KCNQ3: variants seen among roughly 807,000 people sequenced by gnomAD.
KCNQ3 encodes potassium voltage-gated channel subfamily KQT member 3.
A neutral mutation model predicts 92.5 loss-of-function variants in KCNQ3; 30 were observed. The observed-to-expected ratio is 0.32, with a 90% CI of 0.24 to 0.44. The LOEUF (loss-of-function observed/expected upper bound fraction) is 0.44, where lower values mean the gene tolerates loss of function less well. KCNQ3 is among the 20% of genes least tolerant of loss of function. The pLI is 1.00. For missense variants in KCNQ3, 913 were observed against 1,140.3 expected (o/e 0.80, Z 2.87); for synonymous variants, 450 against 468.8 (o/e 0.96, Z 0.52).
intron 1 of KCNQ3, among the ~76,000 whole-genome samples, chr8:132,279,659 T>C (rs1378993287): frequency 6.6e-6 from 1 of 152,182 alleles, no homozygotes; most frequent in Non-Finnish European, 1.5e-5. Context: ...CATCAACAGA[T>C]ACACACGCAC....
At chr8:132,425,181 CAT>C (rs1400081476) in intron 1 of KCNQ3, among the ~76,000 whole-genome samples, 2 of 152,182 alleles carry the variant, frequency 1.3e-5, no homozygotes, top group African/African-American at 2.4e-5. Flanking sequence ...GACGCCAATA[CAT>C]ATAGTCTCAG....
rs541901920 is a variant in KCNQ3, at chr8:132,192,672, C to A, written c.387-6491G>T. Among the ~76,000 whole-genome samples, 23 of 152,214 alleles carry A rather than the reference C, an allele frequency of 1.5e-4. No homozygotes were observed. In the South Asian group the frequency reaches 3.1e-3, roughly 21 times the overall value. Reference sequence around the variant, plus strand: ...GTTTGTTGTTTTTTTATTTTCAAGACGGAATCTCGCTCTGTCACCCAGGCT... The same window carrying A: ...GTTTGTTGTTTTTTTATTTTCAAGAAGGAATCTCGCTCTGTCACCCAGGCT... On this transcript the variant is annotated intron_variant, in intron 1 of 14. Coordinates refer to ENST00000388996, the MANE Select transcript of KCNQ3 (RefSeq NM_004519.4).
intron 1 of KCNQ3, among the ~76,000 whole-genome samples, chr8:132,344,776 C>G (rs57465264): frequency 6.6e-6 from 1 of 152,188 alleles, no homozygotes; most frequent in African/African-American, 2.4e-5. Context: ...GAGGCCAGTG[C>G]AGAAGGAGTA....
intron 1 of KCNQ3, among the ~76,000 whole-genome samples, chr8:132,229,137 C>G (rs1340997477): frequency 6.6e-6 from 1 of 152,016 alleles, no homozygotes; most frequent in Admixed American, 6.6e-5. Context: ...GCTTGTAGTC[C>G]CAGCTACTTG....
chr8:132,253,598 A>C (rs1815485731), intron 1 of KCNQ3, among the ~76,000 whole-genome samples: 1 of 152,172 alleles, frequency 6.6e-6, no homozygotes, highest in Non-Finnish European at 1.5e-5. Context: ...CCTCAAGCAC[A>C]TGTGTTTGCA....
chr8:132,403,706 A>T (rs1820406833), intron 1 of KCNQ3, among the ~76,000 whole-genome samples: 1 of 152,198 alleles, frequency 6.6e-6, no homozygotes, highest in Non-Finnish European at 1.5e-5. Context: ...TCATCTCCCC[A>T]GGAGCTTCCT....
At chr8:132,226,524 T>C (rs999737872) in intron 1 of KCNQ3, among the ~76,000 whole-genome samples, 2 of 151,940 alleles carry the variant, frequency 1.3e-5, no homozygotes, top group African/African-American at 4.8e-5. Flanking sequence ...GTCCAAATTA[T>C]AATAATTTCC....
At chr8:132,150,777 C>T (rs1223360551) in intron 9 of KCNQ3, among the ~76,000 whole-genome samples, 1 of 151,906 alleles carries the variant, frequency 6.6e-6, no homozygotes, top group African/African-American at 2.4e-5. Context: ...GATTGGCAAA[C>T]AAAAGATCTT....
chr8:132,456,045 G>A lies in KCNQ3; in HGVS notation c.386+24102C>T, dbSNP rs571576878. Among the ~76,000 whole-genome samples the A allele has an allele frequency of 2.4e-4, 36 of 152,158 alleles. No homozygotes were observed. The East Asian group carries it at 6.0e-3, about 25-fold the overall frequency. ...CAGGCATGAGCCACCGTGCCCGGCC[G>A]ATGGATACTATTAATATTCTCATTT... is the stretch of plus-strand genomic sequence containing the variant. On this transcript the variant is annotated intron_variant, in intron 1 of 14. Coordinates refer to ENST00000388996, the MANE Select transcript of KCNQ3 (RefSeq NM_004519.4).
At chr8:132,352,468 G>C (rs186417842) in intron 1 of KCNQ3, among the ~76,000 whole-genome samples, 1 of 152,094 alleles carries the variant, frequency 6.6e-6, no homozygotes, top group South Asian at 2.1e-4. Context: ...AAACTCTGGC[G>C]AGTTCAGGAA....
Position 132,307,310 on chromosome 8 carries a change from A to C in KCNQ3, c.387-121129T>G, listed in dbSNP as rs191644405. On this transcript the variant is annotated intron_variant, in intron 1 of 14. Transcript: ENST00000388996. ...TCCAATTTTCTTCAAAGGAGCATTAAAAGCAAGACTGGCTCCTGTTTTGCA... is the reference window on the plus strand; with the variant it reads ...TCCAATTTTCTTCAAAGGAGCATTACAAGCAAGACTGGCTCCTGTTTTGCA... Among the ~76,000 whole-genome samples, 548 of 152,320 alleles carry C rather than the reference A, an allele frequency of 3.6e-3. 3 individuals carry two copies. The highest frequency in any genetic ancestry group is 5.1e-3 in the Non-Finnish European group (348 of 68,032).
At chr8:132,284,763 C>G (rs973084899) in intron 1 of KCNQ3, among the ~76,000 whole-genome samples, 1 of 152,158 alleles carries the variant, frequency 6.6e-6, no homozygotes, top group Non-Finnish European at 1.5e-5. Context: ...AATTTAATTG[C>G]CAATGTGACA....
chr8:132,447,550 G>T (rs996229783), intron 1 of KCNQ3, among the ~76,000 whole-genome samples: 2 of 152,186 alleles, frequency 1.3e-5, no homozygotes, highest in Admixed American at 6.5e-5. Flanking sequence ...CAGAGTAGCG[G>T]GTGAGCTGGG....
rs1477778769 is a variant in KCNQ3, at chr8:132,126,297, G to A, written c.*2965C>T. On this transcript the variant is annotated 3_prime_UTR_variant, in exon 15 of 15. Transcript: ENST00000388996. The stretch of plus-strand genomic sequence containing the variant: ...CATTGGATTATCATGCTGTTCCCTT[G>A]TCTGACAAAAGGATCTTTGTGAAAG... 6.6e-6 allele frequency: 1 copy of A among 152,200 alleles called. No homozygotes were observed. The highest frequency in any genetic ancestry group is 1.9e-4 in the East Asian group (1 of 5,160). 9.4% of individuals were successfully genotyped at this position (152,200 alleles called of 1,614,324 possible).
intron 9 of KCNQ3, among the ~76,000 whole-genome samples, chr8:132,154,192 A>ATT (rs1563775830): frequency 1.5e-4 from 16 of 104,476 alleles, no homozygotes; most frequent in African/African-American, 4.6e-4. Context: ...AAAGGGTAAA[A>ATT]GTTTTTTTTT....
At chr8:132,241,504 GTTATTA>G (rs1341064039) in intron 1 of KCNQ3, among the ~76,000 whole-genome samples, 7 of 151,934 alleles carry the variant, frequency 4.6e-5, no homozygotes, top group Admixed American at 4.6e-4. Flanking sequence ...TTCTCCTACA[GTTATTA>G]TTATCTATTG....
intron 1 of KCNQ3, among the ~76,000 whole-genome samples, chr8:132,416,367 C>A (rs1451715134): frequency 6.6e-6 from 1 of 152,124 alleles, no homozygotes; most frequent in Non-Finnish European, 1.5e-5. Flanking sequence ...GTGGCTCATA[C>A]CTGTAATCCT....
chr8:132,131,866 T>A (rs570454150), intron 14 of KCNQ3, among the ~76,000 whole-genome samples: 7 of 152,210 alleles, frequency 4.6e-5, no homozygotes, highest in African/African-American at 1.4e-4. Flanking sequence ...GTTGGGCAGA[T>A]CACCTGAGGT....
intron 1 of KCNQ3, among the ~76,000 whole-genome samples, chr8:132,321,762 T>G (rs1817899267): frequency 6.6e-6 from 1 of 152,196 alleles, no homozygotes. Context: ...CACACCCCTG[T>G]GCTTTGGCCC....
Sources: gnomAD v4.1 joint callset for allele counts (sites outside exome capture counted in the v4.1 genomes callset) on GRCh38, gnomAD v4.1.1 for gene constraint, MANE v1.5 for transcripts, NCBI Gene and HGNC (gene_info 2026-07-23, HGNC 2026-07-21) for gene names.